FBXO34: variants seen among roughly 807,000 people sequenced by gnomAD.
The protein encoded by FBXO34 is F-box protein 34, also known as F-box only protein 34.
In FBXO34, 12 loss-of-function variants were observed where a neutral mutation model predicts 24.5. The observed-to-expected ratio is 0.49, with a 90% CI of 0.31 to 0.79. FBXO34 has a LOEUF of 0.79. Among genes scored for constraint, FBXO34 ranks in the 30% least tolerant of loss-of-function variants. The pLI, the probability that FBXO34 is intolerant of heterozygous loss-of-function variation, is 0.04. For missense variants in FBXO34, 823 were observed against 857.7 expected (o/e 0.96, Z 0.51); for synonymous variants, 320 against 311.9 (o/e 1.03, Z -0.27).
intron 1 of FBXO34, among the ~76,000 whole-genome samples, chr14:55,319,025 T>G (rs761220341): frequency 6.6e-6 from 1 of 152,194 alleles, no homozygotes; most frequent in Non-Finnish European, 1.5e-5. Context: ...TTGATGGTTT[T>G]GTTGTTGATG....
the FBXO34 span, chr14:55,436,596 A>T: frequency 6.2e-7 from 1 of 1,614,090 alleles, no homozygotes; most frequent in South Asian, 1.1e-5. Flanking sequence ...ATTCTGAAAT[A>T]GGGGTCATTG....
At chr14:55,307,604 G>A (rs184190854) in intron 1 of FBXO34, among the ~76,000 whole-genome samples, 39 of 152,290 alleles carry the variant, frequency 2.6e-4, no homozygotes, top group African/African-American at 8.4e-4. Context: ...AATGGCTGGC[G>A]ATTTGAGTGT....
At chr14:55,289,992 TAAAC>T (rs926885389) in intron 1 of FBXO34, among the ~76,000 whole-genome samples, 5 of 152,210 alleles carry the variant, frequency 3.3e-5, no homozygotes, top group African/African-American at 1.2e-4. Flanking sequence ...AACAGTGACT[TAAAC>T]AACAACAAAG....
At chr14:55,441,952 G>A in the FBXO34 span, among the ~76,000 whole-genome samples, 2 of 151,274 alleles carry the variant, frequency 1.3e-5, no homozygotes, top group Admixed American at 6.6e-5. Flanking sequence ...TAGTAGAGAC[G>A]AGTTTTCACC....
chr14:55,336,895 T>C (rs538530792), intron 1 of FBXO34, among the ~76,000 whole-genome samples: 69 of 144,488 alleles, frequency 4.8e-4, no homozygotes, highest in Admixed American at 1.5e-3. Context: ...CACACACACA[T>C]ATATACTATT....
downstream of FBXO34, among the ~76,000 whole-genome samples, chr14:55,362,377 G>T (rs867380145): frequency 2.0e-5 from 3 of 152,160 alleles, no homozygotes; most frequent in Non-Finnish European, 2.9e-5. Context: ...GAAATATTGT[G>T]AGAATTATCA....
chr14:55,372,590 A>C (rs1223999432), downstream of FBXO34, among the ~76,000 whole-genome samples: 167 of 114,118 alleles, frequency 1.5e-3, no homozygotes, highest in East Asian at 2.8e-3. Context: ...TTTCTTCCTC[A>C]CTCCTTCCCT....
chr14:55,377,903 T>C, the FBXO34 span: 5 of 1,602,384 alleles, frequency 3.1e-6, no homozygotes, highest in Non-Finnish European at 4.3e-6. Context: ...TAAATTTACA[T>C]GCTAAAAAAA....
intron 1 of FBXO34, among the ~76,000 whole-genome samples, chr14:55,346,519 G>T (rs185842704): frequency 1.3e-5 from 2 of 152,200 alleles, no homozygotes; most frequent in Non-Finnish European, 2.9e-5. Flanking sequence ...CAGGCTGTGG[G>T]ATATGAAGTT....
chr14:55,339,175 C>T (rs17741560), intron 1 of FBXO34, among the ~76,000 whole-genome samples: 2,388 of 152,152 alleles, frequency 0.016, 32 homozygotes, highest in Non-Finnish European at 0.025. Context: ...TTACAATGTC[C>T]AGGTTTAGAG....
At chr14:55,423,049 C>G in the FBXO34 span, among the ~76,000 whole-genome samples, 1 of 151,864 alleles carries the variant, frequency 6.6e-6, no homozygotes, top group Non-Finnish European at 1.5e-5. Context: ...ATAGTAAACT[C>G]AAATCCCGAG....
chr14:55,282,563 G>T (rs1192151476), intron 1 of FBXO34: 3 of 204,812 alleles, frequency 1.5e-5, no homozygotes, highest in Non-Finnish European at 3.1e-5. Context: ...CAGTTCTATT[G>T]CCAGGGGCTT....
intron 1 of FBXO34, among the ~76,000 whole-genome samples, chr14:55,295,387 A>ATTTTTTTTTT (rs3051307): frequency 7.2e-4 from 66 of 91,338 alleles, no homozygotes; most frequent in Non-Finnish European, 9.2e-4. Flanking sequence ...ATTCTTTTCT[A>ATTTTTTTTTT]TTTTTTTTTT....
chr14:55,436,741 C>T, the FBXO34 span: 3 of 1,614,132 alleles, frequency 1.9e-6, no homozygotes, highest in Non-Finnish European at 1.7e-6. Flanking sequence ...TAAGCCCAGC[C>T]CAACGTCCTG....
the FBXO34 span, among the ~76,000 whole-genome samples, chr14:55,411,408 C>T: frequency 1.8e-3 from 281 of 152,324 alleles, 2 homozygotes; most frequent in African/African-American, 6.6e-3. Context: ...GAAACGGCGA[C>T]CTTCCCTCAT....
rs1566557722 is a variant in FBXO34 at position 55,327,906 on chromosome 14, TG to T, written c.-10-22473del. Reference sequence around the variant, plus strand: ...GTCATATGATTTTCTTTGTTGTTGTTGGTTTTTTTTTTTTTTTTTTTTTTTT... The same window carrying T: ...GTCATATGATTTTCTTTGTTGTTGTTGTTTTTTTTTTTTTTTTTTTTTTTT... On this transcript the variant is annotated intron_variant, in intron 1 of 1. Coordinates refer to ENST00000313833, the MANE Select transcript of FBXO34 (RefSeq NM_017943.4). Among the ~76,000 whole-genome samples, 533 of 134,156 alleles carry T rather than the reference TG, an allele frequency of 4.0e-3. 12 individuals are homozygous for T. Among genetic ancestry groups the T allele is most frequent in the African/African-American group, 0.014 (507 of 35,288 alleles). 88.0% of individuals were successfully genotyped at this position (134,156 alleles called of 152,430 possible).
the FBXO34 span, chr14:55,377,723 T>A: frequency 1.2e-6 from 1 of 823,562 alleles, no homozygotes; most frequent in Non-Finnish European, 1.9e-6. Context: ...TTTGAGGAGT[T>A]TGGGATTAGG....
intron 1 of FBXO34, among the ~76,000 whole-genome samples, chr14:55,274,809 C>A (rs1380513258): frequency 3.9e-5 from 6 of 152,102 alleles, no homozygotes; most frequent in African/African-American, 7.2e-5. Context: ...ACATACTTAT[C>A]TTTAGAGACA....
chr14:55,364,672 G>A (rs150621132), downstream of FBXO34, among the ~76,000 whole-genome samples: 2,931 of 150,718 alleles, frequency 0.019, 76 homozygotes, highest in African/African-American at 0.068. Flanking sequence ...CAGGTGATCC[G>A]CCTGTCTCTG....
Sources: allele counts gnomAD v4.1 joint callset (sites outside exome capture counted in the v4.1 genomes callset), GRCh38; gene constraint gnomAD v4.1.1; transcripts MANE v1.5; gene names NCBI Gene and HGNC (gene_info 2026-07-23, HGNC 2026-07-21).